The following PLCG2 variants were observed in gnomAD, a reference collection of about 807,000 sequenced individuals.
PLCG2 encodes 1-phosphatidylinositol 4,5-bisphosphate phosphodiesterase gamma-2.
In PLCG2, 69 loss-of-function variants were observed where a neutral mutation model predicts 175.6. The ratio of observed to expected loss-of-function variants is 0.39; its 90% CI spans 0.32 to 0.48. PLCG2 has a LOEUF of 0.48. PLCG2 is among the 20% of genes least tolerant of loss of function. The probability of loss-of-function intolerance (pLI) is 0.91; values close to 1 mark genes in which losing one functional copy is unlikely to be tolerated. For synonymous variants in PLCG2, 827 were observed against 624.0 expected, an observed-to-expected ratio of 1.33 and a Z score of -4.85; for missense variants, 1,798 against 1,650.9, an observed-to-expected ratio of 1.09 and a Z score of -1.54.
At chr16:81,847,454 A>G (rs72832068) in intron 2 of PLCG2, among the ~76,000 whole-genome samples, 4,841 of 151,472 alleles carry the variant, frequency 0.032, 95 homozygotes, top group African/African-American at 0.048. Flanking sequence ...GAAAGTTCCA[A>G]CCCTCTAATC....
chr16:81,832,599 T>G (rs1031300470), intron 2 of PLCG2, among the ~76,000 whole-genome samples: 3 of 152,230 alleles, frequency 2.0e-5, no homozygotes, highest in Admixed American at 1.3e-4. Context: ...AGATGGGATT[T>G]TGCCGTGTTG....
intron 2 of PLCG2, among the ~76,000 whole-genome samples, chr16:81,794,066 G>A (rs569944375): frequency 6.6e-6 from 1 of 152,264 alleles, no homozygotes; most frequent in South Asian, 2.1e-4. Context: ...AATTCCTTAC[G>A]TGTGCAGAGG....
At chr16:81,956,620 G>T (rs1911578934) in intron 31 of PLCG2, 75 bp from the exon 32 acceptor site, 1 of 1,365,710 alleles carries the variant, frequency 7.3e-7, no homozygotes, top group Non-Finnish European at 1.0e-6. Context: ...GGGCATGCTT[G>T]TGAGATGCCA....
chr16:81,947,344 G>A (rs533246353), intron 31 of PLCG2, among the ~76,000 whole-genome samples: 109 of 152,300 alleles, frequency 7.2e-4, no homozygotes, highest in Non-Finnish European at 1.1e-3. Flanking sequence ...TAGTTCAGCT[G>A]CTAGGTCTTG....
intron 2 of PLCG2, among the ~76,000 whole-genome samples, chr16:81,789,802 C>T (rs888425600): frequency 6.6e-6 from 1 of 151,966 alleles, no homozygotes; most frequent in African/African-American, 2.4e-5. Context: ...CTCCTCTTCT[C>T]CCTCCCACTT....
At chr16:81,743,625 G>A (rs1411293882) in intron 1 of PLCG2, among the ~76,000 whole-genome samples, 1 of 152,170 alleles carries the variant, frequency 6.6e-6, no homozygotes, top group African/African-American at 2.4e-5. Flanking sequence ...TATTGGAACT[G>A]GTGGGTTAGG....
At chr16:81,904,776 G>A (rs1567525561) in intron 14 of PLCG2, among the ~76,000 whole-genome samples, 1 of 152,354 alleles carries the variant, frequency 6.6e-6, no homozygotes, top group East Asian at 1.9e-4. Context: ...TATTCTAGCA[G>A]TGAGGACAGA....
chr16:81,789,405 C>G (rs1206905035), intron 2 of PLCG2, among the ~76,000 whole-genome samples: 1 of 152,186 alleles, frequency 6.6e-6, no homozygotes, highest in African/African-American at 2.4e-5. Context: ...ATCCTCCTGC[C>G]CAGTCTCCCA....
At position 81,956,691 on chromosome 16, in the gene PLCG2, C is replaced by T. The variant is rs775792447; in HGVS notation, c.3571-4C>T. The T allele has an allele frequency of 3.7e-6, 6 of 1,613,014 alleles. No individual in the cohort carries two copies. The highest frequency in any genetic ancestry group is 5.1e-6 in the Non-Finnish European group (6 of 1,179,528). ...ATGGTTGTTCTCTCCCCTGCATCCT[C>T]CAGGAGAGCGAAGAGGAACTTTACT... On this transcript the variant is annotated splice_polypyrimidine_tract_variant and splice_region_variant and intron_variant, in intron 31 of 32. Coordinates refer to ENST00000564138, the MANE Select transcript of PLCG2 (RefSeq NM_002661.5).
chr16:81,805,044 C>G (rs1911930777), intron 2 of PLCG2, among the ~76,000 whole-genome samples: 1 of 152,134 alleles, frequency 6.6e-6, no homozygotes, highest in Non-Finnish European at 1.5e-5. Flanking sequence ...CCAAGGTTAC[C>G]AAAGTTTTCA....
Position 81,860,160 on chromosome 16 carries a change from ATTATTATTATTATTT to A in PLCG2, c.479+1000_479+1014del, listed in dbSNP as rs1330732115. On this transcript the variant is annotated intron_variant, in intron 5 of 32. Transcript: ENST00000564138. ...CTTATTTACTATTATTATTATTATT[ATTATTATTATTATTT>A]TTTTTTTTTTTTGTAAAGGTGAAGT... Among the ~76,000 whole-genome samples, 351 of 97,436 alleles carry A rather than the reference ATTATTATTATTATTT, an allele frequency of 3.6e-3. 4 individuals carry two copies. Among genetic ancestry groups the A allele is most frequent in the Non-Finnish European group, 2.6e-3 (111 of 42,368 alleles). 63.9% of individuals were successfully genotyped at this position (97,436 alleles called of 152,430 possible).
chr16:81,810,494 G>A (rs548806205), intron 2 of PLCG2, among the ~76,000 whole-genome samples: 2 of 152,318 alleles, frequency 1.3e-5, no homozygotes, highest in East Asian at 3.9e-4. Context: ...TCTTGGTGAT[G>A]CAGACTGGTG....
chr16:81,824,834 G>A lies in PLCG2; in HGVS notation c.194-29610G>A, dbSNP rs151209356. 5.4e-3 allele frequency among the ~76,000 whole-genome samples: 825 copies of A among 152,344 alleles called. 11 individuals are homozygous for A. Among genetic ancestry groups the A allele is most frequent in the African/African-American group, 0.019 (793 of 41,576 alleles). On this transcript the variant is annotated intron_variant, in intron 2 of 32. Transcript: ENST00000564138. ...TGGATATGTTACATTATGTGGCAAA[G>A]GAGATTTTTGCATGTGTGATTAAGG... is the stretch of plus-strand genomic sequence containing the variant.
chr16:81,745,245 G>A (rs1909681274), intron 1 of PLCG2, among the ~76,000 whole-genome samples: 1 of 152,144 alleles, frequency 6.6e-6, no homozygotes, highest in African/African-American at 2.4e-5. Context: ...CTGATTGGCC[G>A]GGAAGGGCAT....
chr16:81,787,207 C>T (rs905597562), intron 2 of PLCG2, among the ~76,000 whole-genome samples: 2 of 130,896 alleles, frequency 1.5e-5, no homozygotes, highest in African/African-American at 2.9e-5. Flanking sequence ...TATCATTGTA[C>T]TCTTTTTTTT....
intron 2 of PLCG2, among the ~76,000 whole-genome samples, chr16:81,843,182 A>T (rs897666726): frequency 6.6e-6 from 1 of 152,158 alleles, no homozygotes; most frequent in Non-Finnish European, 1.5e-5. Flanking sequence ...TTGAGAATAA[A>T]GTGTTGTTTC....
chr16:81,843,758 C>T (rs975895861), intron 2 of PLCG2, among the ~76,000 whole-genome samples: 2 of 152,148 alleles, frequency 1.3e-5, no homozygotes, highest in Non-Finnish European at 2.9e-5. Context: ...ACTAAAGATT[C>T]ATTTAAATTG....
intron 2 of PLCG2, among the ~76,000 whole-genome samples, chr16:81,793,623 C>T (rs1357353367): frequency 6.6e-6 from 1 of 152,188 alleles, no homozygotes; most frequent in Admixed American, 6.5e-5. Context: ...GATTCTCAAA[C>T]ATATGAGCTG....
intron 2 of PLCG2, among the ~76,000 whole-genome samples, chr16:81,849,849 C>G (rs80047454): frequency 0.015 from 2,261 of 148,632 alleles, 24 homozygotes; most frequent in South Asian, 0.034. Context: ...AATTGTTAGA[C>G]TAGACAGAAA....
Sources: gnomAD v4.1 joint callset for allele counts (sites outside exome capture counted in the v4.1 genomes callset) on GRCh38, gnomAD v4.1.1 for gene constraint, MANE v1.5 for transcripts, NCBI Gene and HGNC (gene_info 2026-07-23, HGNC 2026-07-21) for gene names.